Variants in GADL1 observed in about 807,000 individuals in gnomAD.
GADL1 encodes the protein GAD like acidic amino acid decarboxylase 1, also known as acidic amino acid decarboxylase GADL1.
Under a neutral mutation model 69.5 loss-of-function variants are expected in GADL1, and 71 were observed. The observed-to-expected ratio is 1.02, with a 90% CI of 0.84 to 1.25. The LOEUF is 1.25. Among genes scored for constraint, GADL1 ranks in the 50% most tolerant of loss-of-function variants. The probability of loss-of-function intolerance (pLI) is 0.00; values close to 1 mark genes in which losing one functional copy is unlikely to be tolerated. For missense variants in GADL1, 737 were observed against 631.8 expected (o/e 1.17, Z -1.79); for synonymous variants, 254 against 214.4 (o/e 1.18, Z -1.62).
At chr3:30,827,633 T>C (rs1459744134) in intron 11 of GADL1, among the ~76,000 whole-genome samples, 1 of 151,910 alleles carries the variant, frequency 6.6e-6, no homozygotes, top group Non-Finnish European at 1.5e-5. Flanking sequence ...GACAGAGGTG[T>C]TTGTGATTAC....
At chr3:30,758,074 G>C (rs1356132866) in intron 14 of GADL1, among the ~76,000 whole-genome samples, 5 of 152,152 alleles carry the variant, frequency 3.3e-5, no homozygotes, top group African/African-American at 1.2e-4. Context: ...TGCCCCAAAA[G>C]CTTCATAGCT....
chr3:30,831,736 A>G (rs535206015), intron 11 of GADL1, among the ~76,000 whole-genome samples: 5 of 151,994 alleles, frequency 3.3e-5, no homozygotes, highest in Admixed American at 2.0e-4. Flanking sequence ...TCCTCACCAC[A>G]TTTCCCTACA....
At chr3:30,857,750 C>T (rs1372448524) in intron 2 of GADL1, among the ~76,000 whole-genome samples, 3 of 151,828 alleles carry the variant, frequency 2.0e-5, no homozygotes, top group African/African-American at 4.8e-5. Flanking sequence ...TAAAATGATC[C>T]TTTACGATCT....
chr3:30,755,321 A>G (rs1200353980), intron 14 of GADL1, among the ~76,000 whole-genome samples: 1 of 152,200 alleles, frequency 6.6e-6, no homozygotes, highest in Non-Finnish European at 1.5e-5. Context: ...TTAAATAGCA[A>G]CAATAAATGG....
intron 13 of GADL1, among the ~76,000 whole-genome samples, chr3:30,782,201 A>G (rs1696680436): frequency 6.6e-6 from 1 of 152,168 alleles, no homozygotes; most frequent in African/African-American, 2.4e-5. Flanking sequence ...GAGTCACTGG[A>G]GAGTTTCACT....
At chr3:30,746,986 T>C (rs970712747) in intron 14 of GADL1, among the ~76,000 whole-genome samples, 4 of 152,178 alleles carry the variant, frequency 2.6e-5, no homozygotes, top group Admixed American at 6.5e-5. Flanking sequence ...CCAGGAATTT[T>C]CCACTCTTTA....
chr3:30,888,959 A>G (rs1300594138), intron 1 of GADL1, among the ~76,000 whole-genome samples: 3 of 151,880 alleles, frequency 2.0e-5, no homozygotes, highest in African/African-American at 7.3e-5. Context: ...ATATATATAA[A>G]TGTATAATAT....
chr3:30,791,691 C>T (rs1192040383), intron 12 of GADL1, among the ~76,000 whole-genome samples: 2 of 152,072 alleles, frequency 1.3e-5, no homozygotes, highest in African/African-American at 4.8e-5. Flanking sequence ...ACTTTCAGAG[C>T]CTGTAAAGCC....
intron 14 of GADL1, among the ~76,000 whole-genome samples, chr3:30,758,716 A>G (rs1559490182): frequency 6.6e-6 from 1 of 152,222 alleles, no homozygotes; most frequent in Non-Finnish European, 1.5e-5. Context: ...TGGTGACTCC[A>G]TTCAAGAGGA....
chr3:30,746,754 A>G (rs1695709049), intron 14 of GADL1, among the ~76,000 whole-genome samples: 1 of 152,236 alleles, frequency 6.6e-6, no homozygotes, highest in African/African-American at 2.4e-5. Flanking sequence ...CAAGAAAACA[A>G]TGGACATTAA....
chr3:30,884,833 A>T (rs1698683060), intron 1 of GADL1, among the ~76,000 whole-genome samples: 1 of 150,878 alleles, frequency 6.6e-6, no homozygotes, highest in Admixed American at 6.8e-5. Context: ...AATACTTATT[A>T]TGCCAGGTAC....
chr3:30,883,310 G>A (rs1465802702), intron 1 of GADL1, among the ~76,000 whole-genome samples: 2 of 151,842 alleles, frequency 1.3e-5, no homozygotes, highest in Non-Finnish European at 2.9e-5. Context: ...AATCCACTTT[G>A]AGTTGATTTC....
At chr3:30,776,748 C>CA (rs1363982191) in intron 14 of GADL1, among the ~76,000 whole-genome samples, 1 of 152,166 alleles carries the variant, frequency 6.6e-6, no homozygotes, top group Non-Finnish European at 1.5e-5. Context: ...TAGACTGGGG[C>CA]AAAAATCCCA....
At chr3:30,751,290 C>A (rs1190335493) in intron 14 of GADL1, among the ~76,000 whole-genome samples, 1 of 151,980 alleles carries the variant, frequency 6.6e-6, no homozygotes, top group East Asian at 1.9e-4. Flanking sequence ...GTTGCCAATT[C>A]TTTTGGCTTT....
At chr3:30,785,335 T>C (rs1403872285) in intron 13 of GADL1, among the ~76,000 whole-genome samples, 1 of 152,090 alleles carries the variant, frequency 6.6e-6, no homozygotes. Flanking sequence ...TAGTAATTGT[T>C]CAATGCATCT....
At chr3:30,766,102 GT>G (rs938103673) in intron 14 of GADL1, among the ~76,000 whole-genome samples, 1 of 152,130 alleles carries the variant, frequency 6.6e-6, no homozygotes, top group African/African-American at 2.4e-5. Flanking sequence ...TTGGTTAAAA[GT>G]TATAAATGGC....
chr3:30,807,132 G>C (rs73826115), intron 11 of GADL1, among the ~76,000 whole-genome samples: 8,056 of 152,134 alleles, frequency 0.053, 721 homozygotes, highest in African/African-American at 0.18. Context: ...TGTTAACTGG[G>C]AATACTCTTT....
intron 11 of GADL1, among the ~76,000 whole-genome samples, chr3:30,825,873 A>G (rs1910330): frequency 0.54 from 81,911 of 151,780 alleles, 25,897 homozygotes; most frequent in African/African-American, 0.88. Flanking sequence ...AAAGCACCAC[A>G]GCACATGTAT....
At chr3:30,778,427 A>AT in intron 13 of GADL1, among the ~76,000 whole-genome samples, 159 bp from the exon 14 acceptor site, 1 of 152,196 alleles carries the variant, frequency 6.6e-6, no homozygotes, top group Non-Finnish European at 1.5e-5. Flanking sequence ...TGCCTTCTTG[A>AT]TAACATCCTA....
Sources: gnomAD v4.1 joint callset for allele counts (sites outside exome capture counted in the v4.1 genomes callset) on GRCh38, gnomAD v4.1.1 for gene constraint, MANE v1.5 for transcripts, NCBI Gene and HGNC (gene_info 2026-07-23, HGNC 2026-07-21) for gene names.